Variants in PKIA observed in about 807,000 individuals in gnomAD.
The protein encoded by PKIA is cAMP-dependent protein kinase inhibitor alpha.
PKIA carries 4 observed loss-of-function variants against 7.6 expected under a neutral mutation model. The observed-to-expected ratio is 0.52, with a 90% CI of 0.26 to 1.20. PKIA has a LOEUF of 1.20. Ranked by LOEUF, PKIA falls within the 50% of genes most tolerant of loss-of-function variation. The probability of loss-of-function intolerance (pLI) is 0.13; values close to 1 mark genes in which losing one functional copy is unlikely to be tolerated. For synonymous variants in PKIA, 21 were observed against 30.7 expected, an observed-to-expected ratio of 0.68 and a Z score of 1.04; for missense variants, 73 against 86.2, an observed-to-expected ratio of 0.85 and a Z score of 0.61.
chr8:78,546,739 C>T (rs1269426103), intron 1 of PKIA, among the ~76,000 whole-genome samples: 1 of 152,074 alleles, frequency 6.6e-6, no homozygotes, highest in Non-Finnish European at 1.5e-5. Flanking sequence ...TTCTTGTAAC[C>T]CGTTTAGTCT....
intron 1 of PKIA, among the ~76,000 whole-genome samples, chr8:78,527,368 CTA>C: frequency 6.6e-6 from 1 of 151,920 alleles, no homozygotes; most frequent in Non-Finnish European, 1.5e-5. Flanking sequence ...ATATTATAAA[CTA>C]TAATTATGTA....
intron 1 of PKIA, among the ~76,000 whole-genome samples, chr8:78,545,325 G>A (rs138470474): frequency 1.3e-5 from 2 of 152,018 alleles, no homozygotes; most frequent in Non-Finnish European, 1.5e-5. Flanking sequence ...ATCAGTTGTG[G>A]GCTGAGATAG....
At chr8:78,568,507 C>T (rs1167203040) in intron 1 of PKIA, among the ~76,000 whole-genome samples, 1 of 152,158 alleles carries the variant, frequency 6.6e-6, no homozygotes, top group Non-Finnish European at 1.5e-5. Context: ...CAGGTATTTT[C>T]ACTTTCCACT....
In PKIA at chr8:78,578,201, C is replaced by T. The variant is rs111444112; in HGVS notation, c.-28+5262C>T. 9.3e-3 allele frequency among the ~76,000 whole-genome samples: 1,419 copies of T among 152,036 alleles called. 16 individuals are homozygous for T. The highest frequency in any genetic ancestry group is 0.032 in the African/African-American group (1,347 of 41,534). ...CCATGTGAATTCAAGTAAGTCATTT[C>T]ATATGTAAACTTTATTCTGATTCTA... On this transcript the variant is annotated intron_variant, in intron 2 of 3. Transcript: ENST00000396418.
intron 1 of PKIA, among the ~76,000 whole-genome samples, chr8:78,556,885 AG>A (rs1463912414): frequency 6.6e-6 from 1 of 152,144 alleles, no homozygotes; most frequent in Non-Finnish European, 1.5e-5. Context: ...AGAAGCTGGC[AG>A]GAACGATAGA....
At chr8:78,547,713 AT>A (rs1393546150) in intron 1 of PKIA, among the ~76,000 whole-genome samples, 1 of 152,128 alleles carries the variant, frequency 6.6e-6, no homozygotes, top group Non-Finnish European at 1.5e-5. Flanking sequence ...GTTTGCACTA[AT>A]TTGATTTATA....
intron 1 of PKIA, among the ~76,000 whole-genome samples, chr8:78,563,495 G>A: frequency 6.6e-6 from 1 of 152,052 alleles, no homozygotes; most frequent in Non-Finnish European, 1.5e-5. Context: ...ATATACCAAG[G>A]TAGAAGATTA....
At chr8:78,523,943 CATTT>C (rs1327481913) in intron 1 of PKIA, among the ~76,000 whole-genome samples, 3 of 131,512 alleles carry the variant, frequency 2.3e-5, no homozygotes, top group Non-Finnish European at 3.2e-5. Context: ...TATATATAAA[CATTT>C]ATATTTATAT....
chr8:78,553,415 T>G (rs1807037312), intron 1 of PKIA, among the ~76,000 whole-genome samples: 1 of 143,698 alleles, frequency 7.0e-6, no homozygotes, highest in South Asian at 2.2e-4. Context: ...CTAAGATCCC[T>G]TCACATCTAA....
At chr8:78,571,635 G>A (rs765915200) in intron 1 of PKIA, among the ~76,000 whole-genome samples, 11 of 152,118 alleles carry the variant, frequency 7.2e-5, no homozygotes, top group Non-Finnish European at 1.3e-4. Flanking sequence ...AGAGTAACCT[G>A]TTCAGTGCTG....
intron 1 of PKIA, among the ~76,000 whole-genome samples, chr8:78,560,073 T>C (rs1459958432): frequency 2.0e-5 from 3 of 152,320 alleles, no homozygotes; most frequent in African/African-American, 4.8e-5. Context: ...TTGCAAGCCT[T>C]TTGTTAAAAA....
chr8:78,551,136 A>G (rs1806973409), intron 1 of PKIA, among the ~76,000 whole-genome samples: 1 of 152,088 alleles, frequency 6.6e-6, no homozygotes, highest in African/African-American at 2.4e-5. Flanking sequence ...AGAGAATAAG[A>G]TAAGAAATAA....
intron 1 of PKIA, among the ~76,000 whole-genome samples, chr8:78,551,325 T>C (rs1223858351): frequency 6.6e-6 from 1 of 152,048 alleles, no homozygotes; most frequent in South Asian, 2.1e-4. Flanking sequence ...TTATGTCTAA[T>C]GTATGGTATA....
rs146205866 is a variant in PKIA, at chr8:78,586,985, T to A, written c.-27-11373T>A. On this transcript the variant is annotated intron_variant, in intron 2 of 3. Coordinates refer to ENST00000396418, the MANE Select transcript of PKIA (RefSeq NM_006823.4). Reference sequence around the variant, plus strand: ...TATTTGTTTTTGTTATTGTTATTATTCATAAGGCACTATTAAACCGTAGCT... The same window carrying A: ...TATTTGTTTTTGTTATTGTTATTATACATAAGGCACTATTAAACCGTAGCT... Among the ~76,000 whole-genome samples, 476 of 152,336 alleles carry A rather than the reference T, an allele frequency of 3.1e-3. 5 individuals are homozygous for A. The highest frequency in any genetic ancestry group is 0.011 in the African/African-American group (443 of 41,586).
chr8:78,583,452 C>T (rs995662212), intron 2 of PKIA, among the ~76,000 whole-genome samples: 2 of 152,090 alleles, frequency 1.3e-5, no homozygotes, highest in Admixed American at 1.3e-4. Flanking sequence ...TATGCCTCAT[C>T]CCTCTTGCTT....
intron 1 of PKIA, among the ~76,000 whole-genome samples, chr8:78,565,166 T>C (rs1446082517): frequency 2.0e-5 from 3 of 151,568 alleles, no homozygotes; most frequent in Non-Finnish European, 4.4e-5. Context: ...ATAAGAAATG[T>C]CACTTATAAT....
intron 2 of PKIA, among the ~76,000 whole-genome samples, chr8:78,588,553 T>C (rs906434502): frequency 3.3e-5 from 5 of 152,112 alleles, no homozygotes; most frequent in African/African-American, 1.2e-4. Flanking sequence ...TGGATGACTA[T>C]TGTGAAAAGA....
chr8:78,556,769 G>C (rs1807149953), intron 1 of PKIA, among the ~76,000 whole-genome samples: 1 of 152,080 alleles, frequency 6.6e-6, no homozygotes, highest in African/African-American at 2.4e-5. Context: ...AGATACTATA[G>C]TAGGTTTCAC....
intron 1 of PKIA, among the ~76,000 whole-genome samples, chr8:78,563,302 A>G (rs754433811): frequency 1.6e-4 from 24 of 152,178 alleles, no homozygotes; most frequent in Non-Finnish European, 2.6e-4. Context: ...AATCACATTA[A>G]TAAAGCTCTT....
Sources: gnomAD v4.1 joint callset for allele counts (sites outside exome capture counted in the v4.1 genomes callset) on GRCh38, gnomAD v4.1.1 for gene constraint, MANE v1.5 for transcripts, NCBI Gene and HGNC (gene_info 2026-07-23, HGNC 2026-07-21) for gene names.